Variants in PIEZO2 observed in about 807,000 individuals in gnomAD.
PIEZO2 encodes the protein piezo type mechanosensitive ion channel component 2.
Under a neutral mutation model 337.3 loss-of-function variants are expected in PIEZO2, and 172 were observed. The observed-to-expected ratio is 0.51, with a 90% CI of 0.45 to 0.58. The LOEUF (loss-of-function observed/expected upper bound fraction) is 0.58. Ranked by LOEUF, PIEZO2 falls within the 20% of genes least tolerant of loss-of-function variation. The pLI is 0.00. For synonymous variants in PIEZO2, 1,251 were observed against 1,228.5 expected (o/e 1.02, Z -0.38); for missense variants, 3,028 against 3,391.3 (o/e 0.89, Z 2.66).
intron 3 of PIEZO2, among the ~76,000 whole-genome samples, chr18:10,934,351 G>A (rs975279218): frequency 6.6e-6 from 1 of 152,142 alleles, no homozygotes; most frequent in Non-Finnish European, 1.5e-5. Flanking sequence ...ATCACCAGGC[G>A]CAGAAGCAGG....
At chr18:10,845,791 A>G (rs2041339159) in intron 7 of PIEZO2, among the ~76,000 whole-genome samples, 1 of 152,232 alleles carries the variant, frequency 6.6e-6, no homozygotes, top group Non-Finnish European at 1.5e-5. Flanking sequence ...GCTACTGACT[A>G]CTTTAGGCAT....
chr18:10,764,156 T>A (rs2038256971), intron 21 of PIEZO2, among the ~76,000 whole-genome samples: 1 of 152,194 alleles, frequency 6.6e-6, no homozygotes, highest in Non-Finnish European at 1.5e-5. Flanking sequence ...AGGACCACCA[T>A]CTTCTTCAGG....
intron 4 of PIEZO2, among the ~76,000 whole-genome samples, chr18:10,896,552 G>A (rs2042907317): frequency 6.6e-6 from 1 of 152,206 alleles, no homozygotes; most frequent in African/African-American, 2.4e-5. Context: ...ATGGCCGAGT[G>A]AAAACAATTT....
chr18:11,087,831 GC>G (rs147328421), intron 1 of PIEZO2, among the ~76,000 whole-genome samples: 261 of 152,368 alleles, frequency 1.7e-3, no homozygotes, highest in African/African-American at 6.2e-3. Flanking sequence ...CACTGCACAG[GC>G]TGAGCACGGT....
In PIEZO2 at chr18:11,031,841, T is replaced by A. The variant is rs1158224487; in HGVS notation, c.160+34286A>T. ...GCTCAGGGCAATGGCTATTTATTAATCTATTGGGTGTATTTTAATATTTTA... is the reference window on the plus strand; with the variant it reads ...GCTCAGGGCAATGGCTATTTATTAAACTATTGGGTGTATTTTAATATTTTA... On this transcript the variant is annotated intron_variant, in intron 2 of 55. Coordinates refer to ENST00000674853, the MANE Select transcript of PIEZO2 (RefSeq NM_001378183.1). This position sits in a 1 kb window ranked among gnomAD's most constrained non-coding sequence, Gnocchi z 4.7. Among the ~76,000 whole-genome samples the A allele has an allele frequency of 6.6e-6, 1 of 152,194 alleles. No individual in the cohort carries two copies. Among genetic ancestry groups the A allele is most frequent in the Non-Finnish European group, 1.5e-5 (1 of 68,038 alleles).
At chr18:11,068,573 A>G (rs1315783453) in intron 1 of PIEZO2, among the ~76,000 whole-genome samples, 2 of 152,106 alleles carry the variant, frequency 1.3e-5, no homozygotes, top group African/African-American at 4.8e-5. Context: ...ATAAATGCTT[A>G]CATAAAAAAA....
At chr18:10,932,681 G>A (rs1238692804) in intron 3 of PIEZO2, among the ~76,000 whole-genome samples, 1 of 152,116 alleles carries the variant, frequency 6.6e-6, no homozygotes, top group East Asian at 1.9e-4. Context: ...CCAGCACTTT[G>A]GGAGGCAGAG....
chr18:10,684,312 C>A (rs1598352074), intron 49 of PIEZO2, among the ~76,000 whole-genome samples: 1 of 119,964 alleles, frequency 8.3e-6, no homozygotes, highest in African/African-American at 3.1e-5. Context: ...ACTACAGGTG[C>A]CCGCCACCAT....
chr18:10,869,116 A>T (rs2042077540), intron 5 of PIEZO2, among the ~76,000 whole-genome samples: 1 of 152,238 alleles, frequency 6.6e-6, no homozygotes, highest in South Asian at 2.1e-4. Flanking sequence ...TAAGCAAGCA[A>T]AATGAGCAGG....
chr18:10,974,185 C>T (rs2034349133), intron 3 of PIEZO2, among the ~76,000 whole-genome samples: 1 of 152,178 alleles, frequency 6.6e-6, no homozygotes, highest in African/African-American at 2.4e-5. Flanking sequence ...TAGGCCGACG[C>T]TTGATACCTT....
chr18:10,671,333 A>C lies in PIEZO2; in HGVS notation c.*194T>G. On this transcript the variant is annotated 3_prime_UTR_variant, in exon 56 of 56. Coordinates refer to ENST00000674853, the MANE Select transcript of PIEZO2 (RefSeq NM_001378183.1). ...CCTGATTTCAGAGAAATGGAGTTAC[A>C]AATAACATTTTCAACAGTGCCTTAA... is the stretch of plus-strand genomic sequence containing the variant. The C allele has an allele frequency of 1.9e-6, 1 of 526,396 alleles. No individual in the cohort carries two copies. The highest frequency in any genetic ancestry group is 3.1e-5 in the South Asian group (1 of 32,370). The allele number at this position is 526,396 out of a possible 1,614,324, so 32.6% of individuals were successfully genotyped here.
intron 7 of PIEZO2, among the ~76,000 whole-genome samples, chr18:10,848,315 A>G (rs557609999): frequency 6.6e-6 from 1 of 152,368 alleles, no homozygotes; most frequent in East Asian, 1.9e-4. Context: ...AAGTATAAAC[A>G]TAAATGGTAT....
rs534834272 is a variant in PIEZO2, at chr18:10,789,011, C to T, written c.2169+68G>A. The T allele has an allele frequency of 4.3e-4, 617 of 1,439,312 alleles. 4 individuals carry two copies. In the African/African-American group the frequency reaches 8.3e-3, roughly 19 times the overall value. The allele number at this position is 1,439,312 out of a possible 1,614,324, so 89.2% of individuals were successfully genotyped here. A position where few individuals can be genotyped will look rare whatever the true frequency, so the allele number is the denominator to read the frequency against. On this transcript the variant is annotated intron_variant, in intron 15 of 55. Coordinates refer to ENST00000674853, the MANE Select transcript of PIEZO2 (RefSeq NM_001378183.1). ...ATGAGATTCTAGTGATTTAAAATCT[C>T]TGCAGAGGTAGCTCATGTATACTCC...
Position 10,820,712 on chromosome 18 carries a change from A to G in PIEZO2, c.918-13438T>C, listed in dbSNP as rs143311786. Among the ~76,000 whole-genome samples the G allele has an allele frequency of 8.8e-3, 1,346 of 152,260 alleles. 14 individuals are homozygous for G. Among genetic ancestry groups the G allele is most frequent in the Admixed American group, 0.024 (360 of 15,288 alleles). On this transcript the variant is annotated intron_variant, in intron 7 of 55. Coordinates refer to ENST00000674853, the MANE Select transcript of PIEZO2 (RefSeq NM_001378183.1). Reference sequence around the variant, plus strand: ...GGATGCTGAACATTGTTATTTCTACATTATCGAGTGTCTCGATTTTGTTGT... The same window carrying G: ...GGATGCTGAACATTGTTATTTCTACGTTATCGAGTGTCTCGATTTTGTTGT...
At position 11,016,469 on chromosome 18, in the gene PIEZO2, A is replaced by G. The variant is rs999179825; in HGVS notation, c.161-36809T>C. On this transcript the variant is annotated intron_variant, in intron 2 of 55. Coordinates refer to ENST00000674853, the MANE Select transcript of PIEZO2 (RefSeq NM_001378183.1). The surrounding 1 kb of genome is among the most constrained non-coding windows in gnomAD (Gnocchi z 5.6). The stretch of plus-strand genomic sequence containing the variant: ...CCCAGAGAGAAAGTGAACCCCTAGG[A>G]ACCCCCTGCAAAGGGTGGGTATGAG... Among the ~76,000 whole-genome samples the G allele has an allele frequency of 2.0e-5, 3 of 152,314 alleles. No homozygotes were observed. Among genetic ancestry groups the G allele is most frequent in the Non-Finnish European group, 4.4e-5 (3 of 68,028 alleles).
In PIEZO2 at chr18:10,714,766, G is replaced by A; in HGVS notation, c.5421C>T (p.Ser1807=). 1 of 1,537,032 alleles carries A rather than the reference G, an allele frequency of 6.5e-7. No homozygotes were observed. The highest frequency in any genetic ancestry group is 8.7e-7 in the Non-Finnish European group (1 of 1,146,836). The change falls in exon 39 of 56, where the codon TCC becomes TCT. Residue 1807 remains serine, a splice_region_variant and synonymous_variant. Transcript: ENST00000674853. Reference sequence around the variant, plus strand: ...CCCATTGTTAGAAAGTGAAATACCTGGAGATACTGTCATGTGAATCTAAAC... The same window carrying A: ...CCCATTGTTAGAAAGTGAAATACCTAGAGATACTGTCATGTGAATCTAAAC... The part of the protein sequence containing the change: ...MDSLDSHDSI[S]SCYTEATMLF...
intron 2 of PIEZO2, among the ~76,000 whole-genome samples, chr18:11,007,222 T>C (rs1370848383): frequency 6.6e-6 from 1 of 152,218 alleles, no homozygotes; most frequent in Non-Finnish European, 1.5e-5. Flanking sequence ...CAATGATGAA[T>C]TGAATTCCCA....
At chr18:11,017,865 G>T (rs1369172624) in intron 2 of PIEZO2, among the ~76,000 whole-genome samples, 1 of 152,166 alleles carries the variant, frequency 6.6e-6, no homozygotes, top group Non-Finnish European at 1.5e-5. Context: ...CAACAGAAAT[G>T]ACTTCTAATC....
chr18:10,762,471 G>A, intron 23 of PIEZO2, 29 bp downstream of exon 23: 1 of 1,532,184 alleles, frequency 6.5e-7, no homozygotes, highest in Non-Finnish European at 8.7e-7. Context: ...CGGAGTGGAG[G>A]CCCAAACTAA....
Sources: gnomAD v4.1 joint callset for allele counts (sites outside exome capture counted in the v4.1 genomes callset) on GRCh38, gnomAD v4.1.1 for gene constraint, Gnocchi (gnomAD v3.1) non-coding constraint, MANE v1.5 for transcripts, NCBI Gene and HGNC (gene_info 2026-07-23, HGNC 2026-07-21) for gene names.